The following ZNF592 variants were observed in gnomAD, a reference collection of about 807,000 sequenced individuals.
ZNF592 encodes spinocerebellar ataxia, autosomal recessive 5.
Under a neutral mutation model 80.3 loss-of-function variants are expected in ZNF592, and 11 were observed. The observed-to-expected ratio is 0.14, with a 90% CI of 0.09 to 0.23. The LOEUF (loss-of-function observed/expected upper bound fraction) is 0.23, where lower values mean the gene tolerates loss of function less well. Ranked by LOEUF, ZNF592 falls within the 10% of genes least tolerant of loss-of-function variation. The pLI, the probability that ZNF592 is intolerant of heterozygous loss-of-function variation, is 1.00. For missense variants in ZNF592, 1,420 were observed against 1,633.9 expected (o/e 0.87, Z 2.26); for synonymous variants, 646 against 640.3 (o/e 1.01, Z -0.13).
rs1962995666 is a variant in ZNF592, at chr15:84,798,609, A to G, written c.2758A>G (p.Asn920Asp). 2 of 1,613,978 alleles carry G rather than the reference A, an allele frequency of 1.2e-6. No homozygotes were observed. The highest frequency in any genetic ancestry group is 3.3e-5 in the Admixed American group (2 of 60,010). ...CCAGAGCACCCACGGTGTTCCCCGA[A>G]ATGTGGACGAGCTGTCAAGCCTCCA... ...HVKSTHGVPR[N>D]VDELSSLQSS... The change falls in exon 8 of 11, where the codon AAT (asparagine) becomes GAT (aspartate). Residue 920 changes from asparagine (N) to aspartate (D), a missense_variant. Physicochemically the swap from Asn to Asp is conservative, Grantham distance 23 (BLOSUM62 1). Transcript: ENST00000560079. This position sits in a 1 kb window ranked among gnomAD's most constrained non-coding sequence, Gnocchi z 4.5.
chr15:84,795,129 CAT>C (rs1468707189), intron 5 of ZNF592, among the ~76,000 whole-genome samples: 6 of 151,186 alleles, frequency 4.0e-5, no homozygotes, highest in East Asian at 1.9e-4. Context: ...TATGCATACA[CAT>C]ATATTTCAGA....
chr15:84,801,123 C>T (rs1454320840), intron 10 of ZNF592, among the ~76,000 whole-genome samples: 4 of 152,202 alleles, frequency 2.6e-5, no homozygotes, highest in Non-Finnish European at 5.9e-5. Context: ...GAGTTTGAGA[C>T]CAGCCTAGGC....
At chr15:84,751,221 T>C (rs1445635493) in intron 1 of ZNF592, among the ~76,000 whole-genome samples, 2 of 152,214 alleles carry the variant, frequency 1.3e-5, no homozygotes, top group Non-Finnish European at 2.9e-5. Context: ...CTGCATACAT[T>C]ATTGTATTTA....
chr15:84,801,786 C>G lies in ZNF592; in HGVS notation c.3274-77C>G, dbSNP rs1291061931. ...GCCTGGGTGGTGCTTTCTTTGAGTC[C>G]TTGGGCTCATGGTTATGTCTAGGGG... On this transcript the variant is annotated intron_variant, in intron 10 of 10. Coordinates refer to ENST00000560079, the MANE Select transcript of ZNF592 (RefSeq NM_014630.3). 3 of 1,610,858 alleles carry G rather than the reference C, an allele frequency of 1.9e-6. No homozygotes were observed. The African/African-American group carries it at 4.0e-5, about 22-fold the overall frequency.
intron 5 of ZNF592, 86 bp downstream of exon 5, chr15:84,790,969 C>T (rs1962730702): frequency 2.6e-6 from 4 of 1,548,392 alleles, no homozygotes; most frequent in East Asian, 2.3e-5. Context: ...TAGTTTTGGT[C>T]TTAAGAGGCT....
chr15:84,784,928 C>T lies in ZNF592; in HGVS notation c.2220+33C>T, dbSNP rs75940609. 3.3e-3 allele frequency: 5,278 copies of T among 1,612,688 alleles called. 159 individuals are homozygous for T. In the African/African-American group the frequency reaches 0.061, roughly 19 times the overall value. On this transcript the variant is annotated intron_variant, in intron 4 of 10. Transcript: ENST00000560079. This position sits in a 1 kb window ranked among gnomAD's most constrained non-coding sequence, Gnocchi z 5.8. ...GACCCTCACTGTTACGGGTATCGGG[C>T]CCCTGGCTCACACAGGTTCCATGAC...
chr15:84,790,999 G>C, intron 5 of ZNF592, 116 bp downstream of exon 5: 1 of 1,192,186 alleles, frequency 8.4e-7, no homozygotes, highest in Non-Finnish European at 1.2e-6. Flanking sequence ...GTCTACACAG[G>C]ACAAGAGCAT....
intron 2 of ZNF592, among the ~76,000 whole-genome samples, chr15:84,775,365 G>C (rs1411209191): frequency 6.6e-6 from 1 of 151,980 alleles, no homozygotes; most frequent in Non-Finnish European, 1.5e-5. Context: ...CAAAGTACTG[G>C]GATTACAGTC....
intron 4 of ZNF592, among the ~76,000 whole-genome samples, chr15:84,785,749 G>T (rs1596125847): frequency 6.6e-6 from 1 of 152,156 alleles, no homozygotes; most frequent in South Asian, 2.1e-4. Context: ...GACATGTGGG[G>T]CCTGTGGCAG....
chr15:84,749,658 T>C (rs896795152), intron 1 of ZNF592, among the ~76,000 whole-genome samples: 3 of 152,128 alleles, frequency 2.0e-5, no homozygotes, highest in Non-Finnish European at 4.4e-5. Flanking sequence ...CCTGTGCTCA[T>C]GGAGGGCCTG....
At chr15:84,782,605 G>T in intron 3 of ZNF592, 52 bp from the exon 4 acceptor site, 1 of 1,542,578 alleles carries the variant, frequency 6.5e-7, no homozygotes. Context: ...TAGTGAAGAT[G>T]GTCCAGTGGG....
chr15:84,761,749 C>G (rs1899357163), intron 1 of ZNF592, among the ~76,000 whole-genome samples: 1 of 152,166 alleles, frequency 6.6e-6, no homozygotes, highest in Non-Finnish European at 1.5e-5. Context: ...CTGAGTACAG[C>G]TGTCAGTGCT....
In ZNF592 at chr15:84,802,788, T is replaced by C. The variant is rs1033804191; in HGVS notation, c.*395T>C. On this transcript the variant is annotated 3_prime_UTR_variant, in exon 11 of 11. Coordinates refer to ENST00000560079, the MANE Select transcript of ZNF592 (RefSeq NM_014630.3). ...GCCAGGGCGCTCCTCAGAGCTCTATTTTCCTGCAGACACCAGCTCTCCTTC... is the reference window on the plus strand; with the variant it reads ...GCCAGGGCGCTCCTCAGAGCTCTATCTTCCTGCAGACACCAGCTCTCCTTC... The C allele has an allele frequency of 5.8e-5, 14 of 239,876 alleles. No homozygotes were observed. Among genetic ancestry groups the C allele is most frequent in the Admixed American group, 9.8e-5 (2 of 20,314 alleles). 14.9% of individuals were successfully genotyped at this position (239,876 alleles called of 1,614,324 possible). A position where few individuals can be genotyped will look rare whatever the true frequency, so the allele number is the denominator to read the frequency against.
chr15:84,796,278 TATATATATATATATATAA>T (rs1567076377), intron 5 of ZNF592, among the ~76,000 whole-genome samples: 1,012 of 51,660 alleles, frequency 0.02, 46 homozygotes, highest in African/African-American at 0.051. Flanking sequence ...TATATATATA[TATATATATATATATATAA>T]AAAAACGAAG....
At position 84,797,843 on chromosome 15, in the gene ZNF592, A is replaced by G. The variant is rs779384150; in HGVS notation, c.2400-26A>G. ...CCAGTACTCCCTATACTCCACCCACACTCACACTACCCCACTTCTGTCTAG... is the reference window on the plus strand; with the variant it reads ...CCAGTACTCCCTATACTCCACCCACGCTCACACTACCCCACTTCTGTCTAG... On this transcript the variant is annotated intron_variant, in intron 5 of 10. Coordinates refer to ENST00000560079, the MANE Select transcript of ZNF592 (RefSeq NM_014630.3). 2.5e-6 allele frequency: 4 copies of G among 1,613,952 alleles called. No individual in the cohort carries two copies. In the South Asian group the frequency reaches 4.4e-5, roughly 18 times the overall value.
At position 84,803,370 on chromosome 15, in the gene ZNF592, C is replaced by G. The variant is rs544040752; in HGVS notation, c.*977C>G. On this transcript the variant is annotated 3_prime_UTR_variant, in exon 11 of 11. Coordinates refer to ENST00000560079, the MANE Select transcript of ZNF592 (RefSeq NM_014630.3). ...ATTCCACCCAAGGGTCTTTCCCAGACTTCCCCTGTTTGTCCCATCTCTGAG... is the reference window on the plus strand; with the variant it reads ...ATTCCACCCAAGGGTCTTTCCCAGAGTTCCCCTGTTTGTCCCATCTCTGAG... 6.5e-6 allele frequency: 1 copy of G among 152,792 alleles called. No homozygotes were observed. Among genetic ancestry groups the G allele is most frequent in the East Asian group, 1.9e-4 (1 of 5,170 alleles). The allele number at this position is 152,792 out of a possible 1,614,324, so 9.5% of individuals were successfully genotyped here. A position where few individuals can be genotyped will look rare whatever the true frequency, so the allele number is the denominator to read the frequency against.
intron 1 of ZNF592, among the ~76,000 whole-genome samples, chr15:84,761,699 G>A (rs1899355391): frequency 6.6e-6 from 1 of 152,198 alleles, no homozygotes; most frequent in Non-Finnish European, 1.5e-5. Flanking sequence ...CAGGAGAGGA[G>A]CCTGTCTGTT....
intron 5 of ZNF592, 93 bp from the exon 6 acceptor site, chr15:84,797,776 T>G: frequency 7.0e-7 from 1 of 1,418,656 alleles, no homozygotes; most frequent in Non-Finnish European, 1.0e-6. Context: ...GATAGTTCTG[T>G]TCCTCTTCTC....
At chr15:84,792,659 C>T (rs137920916) in intron 5 of ZNF592, among the ~76,000 whole-genome samples, 1 of 152,278 alleles carries the variant, frequency 6.6e-6, no homozygotes, top group Non-Finnish European at 1.5e-5. Flanking sequence ...ACCATGTTGC[C>T]CAGGCTGGTC....
Sources: allele counts gnomAD v4.1 joint callset (sites outside exome capture counted in the v4.1 genomes callset), GRCh38; gene constraint gnomAD v4.1.1; non-coding constraint Gnocchi (gnomAD v3.1); transcripts MANE v1.5; gene names NCBI Gene and HGNC (gene_info 2026-07-23, HGNC 2026-07-21).